Variants in NELL2 observed in about 807,000 individuals in gnomAD.
NELL2 encodes neural EGFL like 2.
Under a neutral mutation model 109.6 loss-of-function variants are expected in NELL2, and 41 were observed. The ratio of observed to expected loss-of-function variants is 0.37; its 90% CI spans 0.29 to 0.49. The LOEUF (loss-of-function observed/expected upper bound fraction) is 0.49. NELL2 is among the 20% of genes least tolerant of loss of function. The pLI is 0.98. For synonymous variants in NELL2, 355 were observed against 344.7 expected, an observed-to-expected ratio of 1.03 and a Z score of -0.33; for missense variants, 900 against 1,008.3, an observed-to-expected ratio of 0.89 and a Z score of 1.45.
chr12:44,722,202 G>T (rs1394667780), intron 9 of NELL2, among the ~76,000 whole-genome samples: 1 of 151,816 alleles, frequency 6.6e-6, no homozygotes, highest in East Asian at 1.9e-4. Flanking sequence ...TTGCAACAGG[G>T]TCTCACTTTG....
intron 7 of NELL2, 56 bp from the exon 8 acceptor site, chr12:44,776,206 G>C: frequency 6.3e-7 from 1 of 1,593,292 alleles, no homozygotes; most frequent in Admixed American, 1.8e-5. Context: ...ACACAGAAAT[G>C]TGAAACACTC....
chr12:44,723,966 G>A (rs569074403), intron 9 of NELL2, among the ~76,000 whole-genome samples: 5 of 152,010 alleles, frequency 3.3e-5, no homozygotes, highest in Admixed American at 1.3e-4. Flanking sequence ...CACTATTCAC[G>A]ATAGCAAGGA....
chr12:44,628,092 C>T (rs114403080), intron 13 of NELL2, among the ~76,000 whole-genome samples: 2,292 of 152,102 alleles, frequency 0.015, 60 homozygotes, highest in African/African-American at 0.052. Flanking sequence ...ATGTGCACAG[C>T]AGTAAAACAA....
chr12:44,774,794 T>A lies in NELL2; in HGVS notation c.947A>T (p.Lys316Met). The A allele has an allele frequency of 6.2e-7, 1 of 1,614,200 alleles. No individual in the cohort carries two copies. The highest frequency in any genetic ancestry group is 1.1e-5 in the South Asian group (1 of 91,084). ...LICPNPDCPL[K>M]SALAYVDGKC... The stretch of plus-strand genomic sequence containing the variant: ...GCCATCCACATACGCAAGAGCCGAC[T>A]TAAGTGGGCAGTCAGGATTTGGGCA... The change falls in exon 9 of 20, where the codon AAG becomes ATG. Residue 316 changes from lysine to methionine, a missense_variant. Coordinates refer to ENST00000429094, the MANE Select transcript of NELL2 (RefSeq NM_001145108.2).
At chr12:44,811,337 T>TAA (rs10683929) in intron 3 of NELL2, among the ~76,000 whole-genome samples, 3,732 of 103,102 alleles carry the variant, frequency 0.036, 115 homozygotes, top group Middle Eastern at 0.06. Flanking sequence ...GAACTAAAAG[T>TAA]AAAAAAAAAA....
At chr12:44,882,333 A>G (rs926118041) in intron 1 of NELL2, among the ~76,000 whole-genome samples, 1 of 151,620 alleles carries the variant, frequency 6.6e-6, no homozygotes, top group Non-Finnish European at 1.5e-5. Flanking sequence ...ATTCATATAT[A>G]TGTATGTATA....
At chr12:44,831,933 C>T (rs924087426) in intron 2 of NELL2, among the ~76,000 whole-genome samples, 2 of 152,166 alleles carry the variant, frequency 1.3e-5, no homozygotes, top group African/African-American at 4.8e-5. Flanking sequence ...GTTACAGGAA[C>T]TTAGCCTATT....
intron 2 of NELL2, among the ~76,000 whole-genome samples, chr12:44,850,039 T>C (rs1944487791): frequency 6.6e-6 from 1 of 152,164 alleles, no homozygotes; most frequent in African/African-American, 2.4e-5. Context: ...ATATGCTAAA[T>C]CTTGTTTTGG....
chr12:44,679,154 T>C (rs990818915), intron 12 of NELL2, among the ~76,000 whole-genome samples: 7 of 152,084 alleles, frequency 4.6e-5, no homozygotes, highest in African/African-American at 1.7e-4. Flanking sequence ...ACGTACCTAT[T>C]ACTCCCGGGA....
intron 12 of NELL2, among the ~76,000 whole-genome samples, chr12:44,700,239 A>G (rs552983331): frequency 1.3e-5 from 2 of 152,254 alleles, no homozygotes; most frequent in Middle Eastern, 3.4e-3. Context: ...CCACATCTCC[A>G]CTTACATTTT....
chr12:44,819,757 T>C (rs1001263049), intron 2 of NELL2, among the ~76,000 whole-genome samples: 2 of 152,166 alleles, frequency 1.3e-5, no homozygotes, highest in African/African-American at 4.8e-5. Flanking sequence ...TCTATGGGGA[T>C]GGGATGGCTT....
rs377424036 is a variant in NELL2 at position 44,665,934 on chromosome 12, T to C, written c.1319-325A>G. 2.6e-5 allele frequency among the ~76,000 whole-genome samples: 4 copies of C among 152,192 alleles called. No individual in the cohort carries two copies. In the East Asian group the frequency reaches 5.8e-4, roughly 22 times the overall value. ...CAAAGACTGGGCTGCCTTAGTATCC[T>C]GCAATCTTCAATCACAGAGCCTGCC... On this transcript the variant is annotated intron_variant, in intron 12 of 19. Transcript: ENST00000429094.
chr12:44,718,859 C>T (rs1448270146), intron 9 of NELL2, among the ~76,000 whole-genome samples: 2 of 152,148 alleles, frequency 1.3e-5, no homozygotes, highest in African/African-American at 2.4e-5. Flanking sequence ...GTAGGTGCTG[C>T]TGTTGGCATA....
intron 15 of NELL2, among the ~76,000 whole-genome samples, chr12:44,556,817 A>T (rs1943274885): frequency 6.6e-6 from 1 of 152,232 alleles, no homozygotes; most frequent in Non-Finnish European, 1.5e-5. Flanking sequence ...AATTCCAAAC[A>T]AAGGGAAGAG....
intron 3 of NELL2, among the ~76,000 whole-genome samples, chr12:44,793,924 T>C (rs985357601): frequency 1.3e-5 from 2 of 152,152 alleles, no homozygotes; most frequent in Non-Finnish European, 2.9e-5. Context: ...AATTGTATAG[T>C]TGTAAGTTTT....
intron 15 of NELL2, among the ~76,000 whole-genome samples, chr12:44,543,987 T>C (rs903120540): frequency 3.9e-5 from 6 of 152,032 alleles, no homozygotes; most frequent in African/African-American, 1.4e-4. Context: ...TTATATACAG[T>C]CCATAGGTAA....
intron 2 of NELL2, among the ~76,000 whole-genome samples, chr12:44,873,490 T>C (rs1945223080): frequency 6.6e-6 from 1 of 152,094 alleles, no homozygotes; most frequent in Non-Finnish European, 1.5e-5. Flanking sequence ...CATCAGAATA[T>C]AAAATGCACA....
chr12:44,731,421 G>T (rs1219477327), intron 9 of NELL2, among the ~76,000 whole-genome samples: 1 of 151,888 alleles, frequency 6.6e-6, no homozygotes, highest in African/African-American at 2.4e-5. Context: ...TTATCCCTGG[G>T]GTGTGAGGAT....
intron 3 of NELL2, among the ~76,000 whole-genome samples, chr12:44,791,247 A>C (rs1259422161): frequency 8.9e-6 from 1 of 112,982 alleles, no homozygotes; most frequent in Non-Finnish European, 1.8e-5. Context: ...CTACTCAGCC[A>C]TAAAAAGGAA....
Sources: gnomAD v4.1 joint callset for allele counts (sites outside exome capture counted in the v4.1 genomes callset) on GRCh38, gnomAD v4.1.1 for gene constraint, MANE v1.5 for transcripts, NCBI Gene and HGNC (gene_info 2026-07-23, HGNC 2026-07-21) for gene names.